Variants in PM20D2 observed in about 807,000 individuals in gnomAD.
The protein encoded by PM20D2 is xaa-Arg dipeptidase.
PM20D2 carries 33 observed loss-of-function variants against 42.9 expected under a neutral mutation model. That is an observed-to-expected ratio of 0.77 (90% CI 0.58 to 1.03). The LOEUF (loss-of-function observed/expected upper bound fraction) is 1.03. Among genes scored for constraint, PM20D2 ranks in the 50% least tolerant of loss-of-function variants. PM20D2 has a pLI of 0.00. For synonymous variants in PM20D2, 250 were observed against 228.2 expected, an observed-to-expected ratio of 1.10 and a Z score of -0.86; for missense variants, 548 against 557.0, an observed-to-expected ratio of 0.98 and a Z score of 0.16.
At chr6:89,161,742 A>G (rs772866288) in intron 5 of PM20D2, 41 bp from the exon 6 acceptor site, 2 of 1,451,930 alleles carry the variant, frequency 1.4e-6, no homozygotes, top group South Asian at 1.1e-5. Flanking sequence ...ACTTAACCAC[A>G]TATACTTAAA....
the PM20D2 span, among the ~76,000 whole-genome samples, chr6:89,126,697 T>C: frequency 6.8e-6 from 1 of 147,342 alleles, no homozygotes; most frequent in South Asian, 2.2e-4. Flanking sequence ...AAGGAGTTAT[T>C]AGCATTGTCC....
the PM20D2 span, among the ~76,000 whole-genome samples, chr6:89,112,163 G>A: frequency 1.3e-5 from 2 of 151,914 alleles, no homozygotes; most frequent in Admixed American, 6.6e-5. Flanking sequence ...TGAACCGCCC[G>A]CCTCGGCCTC....
chr6:89,100,223 G>A, the PM20D2 span, among the ~76,000 whole-genome samples: 2 of 152,182 alleles, frequency 1.3e-5, no homozygotes, highest in Non-Finnish European at 2.9e-5. Flanking sequence ...AGAAATTCAA[G>A]AACTGCGCTG....
chr6:89,117,759 T>G, the PM20D2 span: 2 of 1,474,250 alleles, frequency 1.4e-6, no homozygotes, highest in African/African-American at 2.9e-5. Flanking sequence ...TCGGCCGTGC[T>G]CCGCGGCGCG....
the PM20D2 span, among the ~76,000 whole-genome samples, chr6:89,130,899 A>G: frequency 8.1e-6 from 1 of 122,740 alleles, no homozygotes; most frequent in Admixed American, 1.2e-4. Context: ...GTGCAATGGC[A>G]TGATCATAGC....
the PM20D2 span, among the ~76,000 whole-genome samples, chr6:89,134,543 A>G: frequency 7.3e-5 from 11 of 151,252 alleles, no homozygotes; most frequent in Non-Finnish European, 1.5e-4. Flanking sequence ...TTAGCAACCC[A>G]AGCCTATTCC....
the PM20D2 span, among the ~76,000 whole-genome samples, chr6:89,102,952 T>TG: frequency 3.3e-5 from 5 of 152,004 alleles, no homozygotes; most frequent in Admixed American, 6.6e-5. Context: ...TTTGTAGACA[T>TG]GGGGGTCTCA....
chr6:89,126,349 T>G, the PM20D2 span, among the ~76,000 whole-genome samples: 1 of 151,698 alleles, frequency 6.6e-6, no homozygotes, highest in Non-Finnish European at 1.5e-5. Flanking sequence ...GAGCCATGAT[T>G]GCACCACGGC....
chr6:89,094,221 CTTTATTT>C, the PM20D2 span, among the ~76,000 whole-genome samples: 1 of 150,034 alleles, frequency 6.7e-6, no homozygotes, highest in African/African-American at 2.5e-5. Flanking sequence ...GCACCGGCCT[CTTTATTT>C]TTTTTTATTT....
At chr6:89,113,171 TC>T in the PM20D2 span, among the ~76,000 whole-genome samples, 1 of 152,074 alleles carries the variant, frequency 6.6e-6, no homozygotes, top group Non-Finnish European at 1.5e-5. Context: ...TAACATTTTA[TC>T]CCAATGATTT....
Position 89,161,827 on chromosome 6 carries a change from CA to C in PM20D2, c.1094del (p.His365LeufsTer11). On this transcript the variant is annotated frameshift_variant, in exon 6 of 7. Transcript: ENST00000275072. LOFTEE classifies it high-confidence loss of function. ...GNVSFVVPGI[H>X]PYFHIGSNAL... ...TGTTAGTTTTGTGGTTCCTGGAATT[CA>C]TCCATATTTTCACATTGGATCTAAT... The C allele has an allele frequency of 6.2e-7, 1 of 1,613,720 alleles. No homozygotes were observed. The highest frequency in any genetic ancestry group is 1.1e-5 in the South Asian group (1 of 91,058).
upstream of PM20D2, among the ~76,000 whole-genome samples, chr6:89,141,307 G>A (rs1218947368): frequency 6.6e-6 from 1 of 152,088 alleles, no homozygotes; most frequent in Non-Finnish European, 1.5e-5. Context: ...GGCCATTTCT[G>A]CCCACGGAAT....
At chr6:89,097,061 G>A in the PM20D2 span, 12 of 152,168 alleles carry the variant, frequency 7.9e-5, no homozygotes, top group African/African-American at 1.7e-4. Context: ...AATATTACCA[G>A]CATACAAATT....
the PM20D2 span, among the ~76,000 whole-genome samples, chr6:89,124,823 C>A: frequency 6.8e-6 from 1 of 147,246 alleles, no homozygotes; most frequent in Non-Finnish European, 1.5e-5. Context: ...GCAGCCCCAA[C>A]CTCCTGGACT....
chr6:89,098,611 T>G, the PM20D2 span: 2 of 1,613,552 alleles, frequency 1.2e-6, no homozygotes, highest in Non-Finnish European at 1.7e-6. Flanking sequence ...AACTTCGAGA[T>G]CTGGAATGTG....
the PM20D2 span, among the ~76,000 whole-genome samples, chr6:89,124,036 CAAAAT>C: frequency 2.4e-4 from 36 of 152,116 alleles, no homozygotes; most frequent in African/African-American, 8.4e-4. Context: ...GATCATGTCT[CAAAAT>C]AATAATAATA....
At chr6:89,098,399 G>T in the PM20D2 span, 1 of 661,288 alleles carries the variant, frequency 1.5e-6, no homozygotes, top group Non-Finnish European at 2.3e-6. Flanking sequence ...TGTAGTGTGG[G>T]CCCTTTAAAT....
the PM20D2 span, among the ~76,000 whole-genome samples, chr6:89,116,829 A>G: frequency 6.6e-6 from 1 of 152,080 alleles, no homozygotes; most frequent in African/African-American, 2.4e-5. Flanking sequence ...TTTACTCCTC[A>G]AAGGTAAATT....
the PM20D2 span, among the ~76,000 whole-genome samples, chr6:89,111,441 G>C: frequency 2.6e-5 from 4 of 152,040 alleles, no homozygotes; most frequent in African/African-American, 9.7e-5. Flanking sequence ...TTTTAAAATT[G>C]TCATTGTTTT....
Sources: allele counts gnomAD v4.1 joint callset (sites outside exome capture counted in the v4.1 genomes callset), GRCh38; gene constraint gnomAD v4.1.1; transcripts MANE v1.5; gene names NCBI Gene and HGNC (gene_info 2026-07-23, HGNC 2026-07-21).